Variants in LIPE observed in about 807,000 individuals in gnomAD.
LIPE encodes lipase E, hormone sensitive type.
Under a neutral mutation model 88.5 loss-of-function variants are expected in LIPE, and 66 were observed. That is an observed-to-expected ratio of 0.75 (90% CI 0.61 to 0.91). LIPE has a LOEUF of 0.91. Ranked by LOEUF, LIPE falls within the 40% of genes least tolerant of loss-of-function variation. The pLI is 0.00. For synonymous variants in LIPE, 570 were observed against 617.5 expected (o/e 0.92, Z 1.14); for missense variants, 1,346 against 1,434.7 (o/e 0.94, Z 1.00).
rs766381106 is a variant in LIPE, at chr19:42,408,208, G to T, written c.1510+24C>A. On this transcript the variant is annotated intron_variant, in intron 3 of 9. Coordinates refer to ENST00000244289, the MANE Select transcript of LIPE (RefSeq NM_005357.4). The surrounding 1 kb of genome is among the most constrained non-coding windows in gnomAD (Gnocchi z 4.3). ...GAGGAGGGCCAAGAGAGTAGGCTGC[G>T]AGTAGAACCTGGCTGGGACTCACTG... 7 of 1,613,650 alleles carry T rather than the reference G, an allele frequency of 4.3e-6. No individual in the cohort carries two copies. Among genetic ancestry groups the T allele is most frequent in the Non-Finnish European group, 5.9e-6 (7 of 1,179,608 alleles).
chr19:42,402,397 T>C (rs1048838204), intron 9 of LIPE, among the ~76,000 whole-genome samples: 2 of 151,984 alleles, frequency 1.3e-5, no homozygotes, highest in Non-Finnish European at 2.9e-5. Flanking sequence ...TGTCTCTTGG[T>C]ACTCAAAATT....
In LIPE at chr19:42,401,613, G is replaced by C. The variant is rs1471049594; in HGVS notation, c.*199C>G. The C allele has an allele frequency of 1.9e-6, 1 of 527,170 alleles. No homozygotes were observed. The highest frequency in any genetic ancestry group is 3.3e-6 in the Non-Finnish European group (1 of 305,386). The allele number at this position is 527,170 out of a possible 1,614,324, so 32.7% of individuals were successfully genotyped here. ...GCCGCAGCAGCAGCAGCAAAAGGCA[G>C]CGGTGGCGTGCAGGTCCAGCCGTCT... is the stretch of plus-strand genomic sequence containing the variant. On this transcript the variant is annotated 3_prime_UTR_variant, in exon 10 of 10. Coordinates refer to ENST00000244289, the MANE Select transcript of LIPE (RefSeq NM_005357.4).
In LIPE at chr19:42,410,350, G is replaced by A. The variant is rs761992752; in HGVS notation, c.1376C>T (p.Thr459Met). Residue 459 changes from threonine (T) to methionine (M), a missense_variant, in exon 2 of 10, where the codon ACG becomes ATG. Physicochemically the swap from Thr to Met is moderately conservative, Grantham distance 81. Coordinates refer to ENST00000244289, the MANE Select transcript of LIPE (RefSeq NM_005357.4). This position sits in a 1 kb window ranked among gnomAD's most constrained non-coding sequence, Gnocchi z 6.1. ...GCCATAGAAGCATCCCTTATGCAGCGTGACATACTCCCGGAGGAAGTCGGC... is the reference window on the plus strand; with the variant it reads ...GCCATAGAAGCATCCCTTATGCAGCATGACATACTCCCGGAGGAAGTCGGC... ...LTADFLREYV[T>M]LHKGCFYGRC... 9 of 1,612,418 alleles carry A rather than the reference G, an allele frequency of 5.6e-6. No individual in the cohort carries two copies. The highest frequency in any genetic ancestry group is 3.3e-5 in the Admixed American group (2 of 59,844).
rs144803537 is a variant in LIPE, at chr19:42,426,310, A to G, written c.840T>C (p.His280=). 7.3e-5 allele frequency: 118 copies of G among 1,606,830 alleles called. No homozygotes were observed. Among genetic ancestry groups the G allele is most frequent in the Non-Finnish European group, 9.3e-5 (109 of 1,174,084 alleles). Residue 280 remains histidine (H), a synonymous_variant, in exon 1 of 10, where the codon CAT becomes CAC. Transcript: ENST00000244289. ...VMSGYSGTSP[H]EKTSARNHRH... The stretch of plus-strand genomic sequence containing the variant: ...TGTGATTCCGAGCACTGGTTTTCTC[A>G]TGTGGCGACGTCCCACTGTATCCTG...
chr19:42,402,149 G>A, intron 9 of LIPE, 74 bp from the exon 10 acceptor site: 1 of 1,357,218 alleles, frequency 7.4e-7, no homozygotes, highest in Non-Finnish European at 9.6e-7. Context: ...AGCGAGGAGG[G>A]GTTTGATGAA....
In LIPE at chr19:42,407,373, C is replaced by T; in HGVS notation, c.1938G>A (p.Leu646=). 1 of 1,613,530 alleles carries T rather than the reference C, an allele frequency of 6.2e-7. No homozygotes were observed. Among genetic ancestry groups the T allele is most frequent in the African/African-American group, 1.3e-5 (1 of 75,004 alleles). The part of the protein sequence containing the change: ...RPQQAPRSRS[L]IVHFHGGGFV... Reference sequence around the variant, plus strand: ...AGCCACCGCCGTGGAAGTGCACTATCAGGGACCGCGAGCGGGGTGCCTGCT... The same window carrying T: ...AGCCACCGCCGTGGAAGTGCACTATTAGGGACCGCGAGCGGGGTGCCTGCT... Residue 646 remains leucine, a synonymous_variant, in exon 6 of 10, where the codon CTG becomes CTA. Transcript: ENST00000244289. The surrounding 1 kb of genome is among the most constrained non-coding windows in gnomAD (Gnocchi z 5.8).
Position 42,402,746 on chromosome 19 carries a change from T to C in LIPE, c.2828A>G (p.Glu943Gly), listed in dbSNP as rs1204279205. 5 of 1,574,148 alleles carry C rather than the reference T, an allele frequency of 3.2e-6. No homozygotes were observed. The South Asian group carries it at 5.8e-5, about 18-fold the overall frequency. Residue 943 changes from glutamate (E) to glycine (G), a missense_variant, in exon 9 of 10, where the codon GAG becomes GGG. Glu to Gly is a moderately conservative substitution (Grantham distance 98, BLOSUM62 -2). Transcript: ENST00000244289. ...GCTGGAGCGTCGGGGGTGGAAACCC[T>C]CGGGGAAGGCGGCACGGACGCCCAG... is the stretch of plus-strand genomic sequence containing the variant. ...RGLGVRAAFP[E>G]GFHPRRSSQG...
rs1354840035 is a variant in LIPE, at chr19:42,408,378, C to T, written c.1420-56G>A. 3 of 1,425,390 alleles carry T rather than the reference C, an allele frequency of 2.1e-6. No homozygotes were observed. Among genetic ancestry groups the T allele is most frequent in the African/African-American group, 2.8e-5 (2 of 71,056 alleles). 88.3% of individuals were successfully genotyped at this position (1,425,390 alleles called of 1,614,324 possible). A position where few individuals can be genotyped will look rare whatever the true frequency, so the allele number is the denominator to read the frequency against. The stretch of plus-strand genomic sequence containing the variant: ...GCTCAAGAGAGGGATGGGGACAGGG[C>T]AGGAGCGAGGCACAGGGATGTGCGG... On this transcript the variant is annotated intron_variant, in intron 2 of 9. Transcript: ENST00000244289. This position sits in a 1 kb window ranked among gnomAD's most constrained non-coding sequence, Gnocchi z 4.3.
Position 42,426,634 on chromosome 19 carries a change from C to A in LIPE, c.516G>T (p.Pro172=). The A allele has an allele frequency of 6.2e-7, 1 of 1,614,206 alleles. No individual in the cohort carries two copies. Among genetic ancestry groups the A allele is most frequent in the Non-Finnish European group, 8.5e-7 (1 of 1,180,048 alleles). The change falls in exon 1 of 10, where the codon CCG becomes CCT. Residue 172 remains proline, a synonymous_variant. Transcript: ENST00000244289. ...GTGTCTCTTGGGACGTAGATTCAGT[C>A]GGGGCAGATGGCTCCCTTTTGGCTC... ...KPGAKREPSA[P]TESTSQETPE...
In LIPE at chr19:42,406,529, T is replaced by C; in HGVS notation, c.2138-141A>G. On this transcript the variant is annotated intron_variant, in intron 6 of 9. Coordinates refer to ENST00000244289, the MANE Select transcript of LIPE (RefSeq NM_005357.4). This position sits in a 1 kb window ranked among gnomAD's most constrained non-coding sequence, Gnocchi z 5.7. The stretch of plus-strand genomic sequence containing the variant: ...CTCCAAGGCCTAGCAGACTGCAGTT[T>C]TAGAGACTGGCAGACTGAGGCACAG... 1 of 670,288 alleles carries C rather than the reference T, an allele frequency of 1.5e-6. No individual in the cohort carries two copies. Among genetic ancestry groups the C allele is most frequent in the Non-Finnish European group, 2.6e-6 (1 of 382,324 alleles). 41.5% of individuals were successfully genotyped at this position (670,288 alleles called of 1,614,324 possible). A position where few individuals can be genotyped will look rare whatever the true frequency, so the allele number is the denominator to read the frequency against.
intron 1 of LIPE, chr19:42,412,387 T>G (rs2040400601): frequency 1.0e-6 from 1 of 985,702 alleles, no homozygotes; most frequent in African/African-American, 1.7e-5. Context: ...TCTTCCGAGC[T>G]TCCCTGGGCT....
rs1221191452 is a variant in LIPE, at chr19:42,414,285, A to G, written c.884-3443T>C. Among the ~76,000 whole-genome samples the G allele has an allele frequency of 1.3e-5, 2 of 152,146 alleles. No homozygotes were observed. Among genetic ancestry groups the G allele is most frequent in the Non-Finnish European group, 2.9e-5 (2 of 68,014 alleles). On this transcript the variant is annotated intron_variant, in intron 1 of 9. Coordinates refer to ENST00000244289, the MANE Select transcript of LIPE (RefSeq NM_005357.4). This position sits in a 1 kb window ranked among gnomAD's most constrained non-coding sequence, Gnocchi z 4.6. ...GAGACTCTGTCAGAAAAGAAAGGAA[A>G]GAAAGAAAGGAAAGGAAGGAAAGAA...
chr19:42,424,819 A>C (rs1300782704), intron 1 of LIPE: 4 of 354,730 alleles, frequency 1.1e-5, no homozygotes, highest in Non-Finnish European at 2.2e-5. Context: ...TTTTGAGCCT[A>C]GAGAAGGAAG....
chr19:42,426,538 C>G lies in LIPE; in HGVS notation c.612G>C (p.Leu204=), dbSNP rs1189344764. 7 of 1,614,190 alleles carry G rather than the reference C, an allele frequency of 4.3e-6. No individual in the cohort carries two copies. Among genetic ancestry groups the G allele is most frequent in the South Asian group, 1.1e-5 (1 of 91,084 alleles). Residue 204 remains leucine, a synonymous_variant, in exon 1 of 10, where the codon CTG becomes CTC. Coordinates refer to ENST00000244289, the MANE Select transcript of LIPE (RefSeq NM_005357.4). ...AKSKQGSLTE[L]GFLTKLQELS... is the part of the protein sequence containing the mutation. Reference sequence around the variant, plus strand: ...GTTCCTGAAGTTTTGTTAGAAATCCCAGCTCTGTCAAAGATCCCTGCTTGG... The same window carrying G: ...GTTCCTGAAGTTTTGTTAGAAATCCGAGCTCTGTCAAAGATCCCTGCTTGG...
At chr19:42,405,012 A>G (rs2040123812) in intron 8 of LIPE, among the ~76,000 whole-genome samples, 1 of 152,094 alleles carries the variant, frequency 6.6e-6, no homozygotes, top group Non-Finnish European at 1.5e-5. Context: ...CTGGGACTAC[A>G]GGTGTACTCC....
At position 42,410,508 on chromosome 19, in the gene LIPE, G is replaced by A. The variant is rs530207549; in HGVS notation, c.1218C>T (p.Ser406=). Residue 406 remains serine (S), a synonymous_variant, in exon 2 of 10, where the codon AGC becomes AGT. Transcript: ENST00000244289. This position sits in a 1 kb window ranked among gnomAD's most constrained non-coding sequence, Gnocchi z 6.1. ...SNRRSIFFRT[S]HNLAELEAYL... ...AGGCCTCCAGCTCGGCCAGGTTGTG[G>A]CTGGTGCGGAAGAAGATGCTGCGGC... 1.2e-6 allele frequency: 2 copies of A among 1,613,462 alleles called. No homozygotes were observed. Among genetic ancestry groups the A allele is most frequent in the Middle Eastern group, 3.3e-4 (2 of 6,062 alleles).
intron 1 of LIPE, among the ~76,000 whole-genome samples, chr19:42,422,062 G>C (rs1478767413): frequency 3.9e-5 from 6 of 152,200 alleles, no homozygotes; most frequent in African/African-American, 9.7e-5. Flanking sequence ...AAATATTTGA[G>C]TGCCTATTTG....
At position 42,402,991 on chromosome 19, in the gene LIPE, C is replaced by T; in HGVS notation, c.2583G>A (p.Gln861=). ...RRSVSEAALA[Q]PQGPLGTDSL... ...AATCCGTGCCCAGTGGGCCCTGGGG[C>T]TGGGCCAGTGCTGCTTCAGACACAC... Residue 861 remains glutamine, a synonymous_variant, in exon 9 of 10, where the codon CAG becomes CAA. Transcript: ENST00000244289. The T allele has an allele frequency of 6.3e-7, 1 of 1,598,430 alleles. No homozygotes were observed. The highest frequency in any genetic ancestry group is 1.1e-5 in the South Asian group (1 of 90,618).
chr19:42,405,740 C>T (rs753175173), intron 7 of LIPE, 179 bp from the exon 8 acceptor site: 9 of 621,358 alleles, frequency 1.4e-5, no homozygotes, highest in South Asian at 4.3e-5. Flanking sequence ...GAGGCCAAGG[C>T]GAGAGGATGG....
Sources: gnomAD v4.1 joint callset for allele counts (sites outside exome capture counted in the v4.1 genomes callset) on GRCh38, gnomAD v4.1.1 for gene constraint, Gnocchi (gnomAD v3.1) non-coding constraint, MANE v1.5 for transcripts, NCBI Gene and HGNC (gene_info 2026-07-23, HGNC 2026-07-21) for gene names.